DOP1A: variants seen among roughly 807,000 people sequenced by gnomAD.
DOP1A encodes the protein protein DOP1A.
DOP1A carries 90 observed loss-of-function variants against 267.6 expected under a neutral mutation model. The ratio of observed to expected loss-of-function variants is 0.34; its 90% CI spans 0.28 to 0.40. The LOEUF is 0.40. Ranked by LOEUF, DOP1A falls within the 10% of genes least tolerant of loss-of-function variation. DOP1A has a pLI of 1.00. For missense variants in DOP1A, 2,437 were observed against 2,900.4 expected, an observed-to-expected ratio of 0.84 and a Z score of 3.67; for synonymous variants, 932 against 999.1, an observed-to-expected ratio of 0.93 and a Z score of 1.27.
chr6:83,117,173 CAG>C (rs1203659303), intron 7 of DOP1A, among the ~76,000 whole-genome samples: 2 of 70,352 alleles, frequency 2.8e-5, no homozygotes, highest in African/African-American at 4.6e-5. Flanking sequence ...TATTTTGAGA[CAG>C]AGTCTTTCTC....
At chr6:83,163,594 A>G (rs1330860743) in intron 38 of DOP1A, among the ~76,000 whole-genome samples, 1 of 152,198 alleles carries the variant, frequency 6.6e-6, no homozygotes, top group Non-Finnish European at 1.5e-5. Flanking sequence ...ATTATAACCT[A>G]CATTCAGAAA....
chr6:83,165,450 T>C (rs1785241848), intron 38 of DOP1A: 1 of 153,152 alleles, frequency 6.5e-6, no homozygotes, highest in African/African-American at 2.4e-5. Flanking sequence ...TAATTGCTGT[T>C]TGGGACCATG....
At chr6:83,148,019 A>G (rs1406379710) in intron 26 of DOP1A, among the ~76,000 whole-genome samples, 1 of 152,220 alleles carries the variant, frequency 6.6e-6, no homozygotes, top group East Asian at 1.9e-4. Context: ...TAGGGAGTAC[A>G]TGACTGTGGT....
At chr6:83,166,901 A>C (rs561460483) in intron 38 of DOP1A, 4 of 989,998 alleles carry the variant, frequency 4.0e-6, no homozygotes, top group Middle Eastern at 5.1e-4. Context: ...CTAAGTCTTC[A>C]TGATTTCTTC....
intron 16 of DOP1A, 89 bp from the exon 17 acceptor site, chr6:83,130,034 T>C: frequency 6.7e-7 from 1 of 1,503,398 alleles, no homozygotes; most frequent in African/African-American, 1.4e-5. Flanking sequence ...CTTAAAAGTA[T>C]TTAGTGGCTT....
At chr6:83,147,191 G>A (rs754209508) in intron 25 of DOP1A, 45 bp from the exon 26 acceptor site, 6 of 998,448 alleles carry the variant, frequency 6.0e-6, no homozygotes, top group Non-Finnish European at 8.9e-6. Flanking sequence ...AAAAAGCAAA[G>A]GCAGTATTCT....
chr6:83,167,499 C>A, intron 38 of DOP1A: 1 of 1,004,928 alleles, frequency 1.0e-6, no homozygotes, highest in Non-Finnish European at 1.2e-6. Context: ...ATTTTGTGAC[C>A]TAGTCCTTGG....
Position 83,137,928 on chromosome 6 carries a change from G to A in DOP1A, c.3886G>A (p.Ala1296Thr). Residue 1296 changes from alanine to threonine, a missense_variant, in exon 21 of 39, where the codon GCA becomes ACA. This residue lies in a region of DOP1A where 878 missense variants were observed against 992.9 expected (regional missense o/e 0.88). Coordinates refer to ENST00000349129, the MANE Select transcript of DOP1A (RefSeq NM_015018.4). ...TAAGGAGTCAGGTAAACAACCAGGA[G>A]CAAAACCTAAAGTAAAACTTGCCAG... ...IVKESGKQPG[A>T]KPKVKLARKK... 1 of 1,606,822 alleles carries A rather than the reference G, an allele frequency of 6.2e-7. No homozygotes were observed. Among genetic ancestry groups the A allele is most frequent in the South Asian group, 1.1e-5 (1 of 89,820 alleles).
intron 16 of DOP1A, 152 bp from the exon 17 acceptor site, chr6:83,129,971 T>C: frequency 1.1e-6 from 1 of 877,864 alleles, no homozygotes; most frequent in Non-Finnish European, 1.7e-6. Flanking sequence ...GTTGCTACTT[T>C]ATTAAAGCTC....
intron 34 of DOP1A, 29 bp downstream of exon 34, chr6:83,156,132 C>T (rs777778579): frequency 6.3e-7 from 1 of 1,577,176 alleles, no homozygotes; most frequent in East Asian, 2.2e-5. Context: ...TTTATTTTTT[C>T]TCTAACTACA....
intron 7 of DOP1A, among the ~76,000 whole-genome samples, chr6:83,116,752 A>G (rs1040287230): frequency 2.0e-5 from 3 of 152,162 alleles, no homozygotes; most frequent in Admixed American, 1.3e-4. Flanking sequence ...CAGAGGTTGC[A>G]GTGAGCCAAG....
At position 83,129,278 on chromosome 6, in the gene DOP1A, C is replaced by T; in HGVS notation, c.2111C>T (p.Ala704Val). 2 of 1,610,822 alleles carry T rather than the reference C, an allele frequency of 1.2e-6. No homozygotes were observed. The highest frequency in any genetic ancestry group is 1.7e-6 in the Non-Finnish European group (2 of 1,178,776). ...AATAACTCTTTTTCTCAGTCTTTGG[C>T]TACAGAACATCAAGGGGATCTTGGT... ...IQNNSFSQSL[A>V]TEHQGDLGRE... The change falls in exon 16 of 39, where the codon GCT becomes GTT. Residue 704 changes from alanine (A) to valine (V), a missense_variant. Transcript: ENST00000349129.
At position 83,109,089 on chromosome 6, in the gene DOP1A, A is replaced by G; in HGVS notation, c.491+9A>G. 1 of 1,607,118 alleles carries G rather than the reference A, an allele frequency of 6.2e-7. No individual in the cohort carries two copies. The highest frequency in any genetic ancestry group is 8.5e-7 in the Non-Finnish European group (1 of 1,178,182). ...TCAGAGTACTATGAGAGGTAAGATC[A>G]TATTTGGTGCAGTTATGTAATTGAA... On this transcript the variant is annotated intron_variant, in intron 5 of 38. Transcript: ENST00000349129.
At chr6:83,166,525 C>T in intron 38 of DOP1A, 2 of 676,418 alleles carry the variant, frequency 3.0e-6, no homozygotes, top group South Asian at 1.7e-5. Context: ...TTTCCATAGT[C>T]TAAAATAAAT....
intron 1 of DOP1A, among the ~76,000 whole-genome samples, chr6:83,083,138 A>G (rs938118509): frequency 2.6e-5 from 4 of 152,110 alleles, no homozygotes; most frequent in Admixed American, 6.5e-5. Flanking sequence ...ATAACAACCA[A>G]AAATAAAAAC....
At chr6:83,119,661 G>A in intron 8 of DOP1A, 87 bp from the exon 9 acceptor site, 2 of 1,038,930 alleles carry the variant, frequency 1.9e-6, no homozygotes, top group South Asian at 1.4e-5. Flanking sequence ...GTTTAGTGCT[G>A]TTCTGAGATT....
intron 1 of DOP1A, among the ~76,000 whole-genome samples, chr6:83,078,105 A>T (rs1582847516): frequency 6.6e-6 from 1 of 152,240 alleles, no homozygotes; most frequent in East Asian, 1.9e-4. Flanking sequence ...AATTAATAGC[A>T]TGTGTAAAGG....
rs111485216 is a variant in DOP1A, at chr6:83,164,062, G to C, written c.7092+1143G>C. 8.5e-3 allele frequency among the ~76,000 whole-genome samples: 1,266 copies of C among 148,644 alleles called. 18 individuals are homozygous for C. The highest frequency in any genetic ancestry group is 0.03 in the African/African-American group (1,204 of 40,050). ...ATTCAACAAATTTCAAAATCAAATT[G>C]TACAATTTGGGAGTGATCTAGGTTG... is the stretch of plus-strand genomic sequence containing the variant. On this transcript the variant is annotated intron_variant, in intron 38 of 38. Transcript: ENST00000349129.
chr6:83,108,427 C>T (rs932172810), intron 4 of DOP1A, among the ~76,000 whole-genome samples: 6 of 152,202 alleles, frequency 3.9e-5, no homozygotes, highest in Non-Finnish European at 7.3e-5. Context: ...GTCCTCCCAC[C>T]TCCGCCTTCC....
Sources: allele counts gnomAD v4.1 joint callset (sites outside exome capture counted in the v4.1 genomes callset), GRCh38; gene constraint gnomAD v4.1.1; regional missense constraint gnomAD v4.1.1; transcripts MANE v1.5; gene names NCBI Gene and HGNC (gene_info 2026-07-23, HGNC 2026-07-21).